The following WFDC11 variants were observed in gnomAD, a reference collection of about 807,000 sequenced individuals.
The protein encoded by WFDC11 is WAP four-disulfide core domain 11, also known as protein WFDC11.
WFDC11 carries 9 observed loss-of-function variants against 9.9 expected under a neutral mutation model. The ratio of observed to expected loss-of-function variants is 0.91; its 90% CI spans 0.55 to 1.58. The LOEUF is 1.58. Ranked by LOEUF, WFDC11 falls within the 40% of genes most tolerant of loss-of-function variation. WFDC11 has a pLI of 0.00. For synonymous variants in WFDC11, 32 were observed against 33.3 expected (o/e 0.96, Z 0.13); for missense variants, 106 against 101.7 (o/e 1.04, Z -0.18).
At chr20:45,665,054 A>G (rs1983158729) in intron 2 of WFDC11, among the ~76,000 whole-genome samples, 1 of 152,198 alleles carries the variant, frequency 6.6e-6, no homozygotes, top group Non-Finnish European at 1.5e-5. Flanking sequence ...AGGTACACCA[A>G]TCAAATGTAG....
chr20:45,653,864 T>A (rs1982863174), intron 2 of WFDC11, among the ~76,000 whole-genome samples: 1 of 152,138 alleles, frequency 6.6e-6, no homozygotes, highest in Non-Finnish European at 1.5e-5. Context: ...AGGGATCAAT[T>A]CAACAAGAAG....
At chr20:45,666,472 G>T (rs1983190819) in intron 2 of WFDC11, among the ~76,000 whole-genome samples, 1 of 152,252 alleles carries the variant, frequency 6.6e-6, no homozygotes, top group African/African-American at 2.4e-5. Context: ...AGGTACCACA[G>T]TTGGAAATGC....
intron 2 of WFDC11, among the ~76,000 whole-genome samples, chr20:45,653,119 A>G (rs1982847683): frequency 6.6e-6 from 1 of 152,154 alleles, no homozygotes; most frequent in African/African-American, 2.4e-5. Flanking sequence ...TCCAAGACAC[A>G]TAATTGTCAG....
chr20:45,654,229 G>A (rs1208820465), intron 2 of WFDC11, among the ~76,000 whole-genome samples: 6 of 152,128 alleles, frequency 3.9e-5, no homozygotes, highest in African/African-American at 1.4e-4. Context: ...ATAACAAACT[G>A]TCTCTCAGAC....
Position 45,648,624 on chromosome 20 carries a change from C to T in WFDC11, c.*95G>A. The T allele has an allele frequency of 7.6e-7, 1 of 1,314,798 alleles. No individual in the cohort carries two copies. Among genetic ancestry groups the T allele is most frequent in the South Asian group, 1.2e-5 (1 of 80,750 alleles). The allele number at this position is 1,314,798 out of a possible 1,614,324, so 81.4% of individuals were successfully genotyped here. A position where few individuals can be genotyped will look rare whatever the true frequency, so the allele number is the denominator to read the frequency against. On this transcript the variant is annotated 3_prime_UTR_variant, in exon 5 of 5. Coordinates refer to ENST00000324384, the MANE Select transcript of WFDC11 (RefSeq NM_147197.2). Reference sequence around the variant, plus strand: ...TTGTCCAGCTCTCAGTAAAAATAGACTGGTGTTCCTAAAAGTAGCCACAGG... The same window carrying T: ...TTGTCCAGCTCTCAGTAAAAATAGATTGGTGTTCCTAAAAGTAGCCACAGG...
intron 2 of WFDC11, among the ~76,000 whole-genome samples, chr20:45,660,201 T>A (rs1422884560): frequency 6.6e-6 from 1 of 152,178 alleles, no homozygotes; most frequent in East Asian, 1.9e-4. Context: ...CCCAGAGGTT[T>A]TGATAGGTTG....
chr20:45,651,714 T>C (rs1982810449), intron 2 of WFDC11, among the ~76,000 whole-genome samples: 1 of 149,658 alleles, frequency 6.7e-6, no homozygotes, highest in Admixed American at 6.6e-5. Flanking sequence ...AGACGGCACC[T>C]GGAAAATCGG....
At chr20:45,649,142 T>A in intron 4 of WFDC11, 115 bp downstream of exon 4, 1 of 1,293,604 alleles carries the variant, frequency 7.7e-7, no homozygotes. Flanking sequence ...TGTCTTCTGT[T>A]ATTTTTGTAC....
At chr20:45,657,694 T>G (rs1568662542) in intron 2 of WFDC11, among the ~76,000 whole-genome samples, 1 of 152,136 alleles carries the variant, frequency 6.6e-6, no homozygotes, top group Non-Finnish European at 1.5e-5. Context: ...TGAGAATTGT[T>G]CCCCCTTCCA....
intron 2 of WFDC11, among the ~76,000 whole-genome samples, chr20:45,653,255 G>A (rs1342879463): frequency 6.6e-6 from 1 of 152,154 alleles, no homozygotes; most frequent in Non-Finnish European, 1.5e-5. Context: ...CAAGCCAGAA[G>A]AGAGTGGGGG....
chr20:45,663,680 A>T (rs1323988550), intron 2 of WFDC11, among the ~76,000 whole-genome samples: 1 of 152,028 alleles, frequency 6.6e-6, no homozygotes, highest in African/African-American at 2.4e-5. Context: ...TCATTTTGTT[A>T]TTTACCTAGT....
chr20:45,662,459 A>G (rs1048965694), intron 2 of WFDC11, among the ~76,000 whole-genome samples: 1 of 152,100 alleles, frequency 6.6e-6, no homozygotes, highest in African/African-American at 2.4e-5. Context: ...CACTATGTTG[A>G]GTAGGAGTGG....
At chr20:45,662,192 A>C (rs1457938092) in intron 2 of WFDC11, among the ~76,000 whole-genome samples, 2 of 152,122 alleles carry the variant, frequency 1.3e-5, no homozygotes, top group Non-Finnish European at 2.9e-5. Context: ...TGTGAATGGG[A>C]GTTCACTCAT....
At chr20:45,656,184 T>C (rs1395671412) in intron 2 of WFDC11, among the ~76,000 whole-genome samples, 6 of 151,994 alleles carry the variant, frequency 3.9e-5, no homozygotes, top group Non-Finnish European at 7.4e-5. Flanking sequence ...CTTCAAATTA[T>C]ACTACAAGCC....
At chr20:45,666,987 T>G (rs1313976738) in intron 2 of WFDC11, 101 bp downstream of exon 2, 1 of 152,242 alleles carries the variant, frequency 6.6e-6, no homozygotes, top group Non-Finnish European at 1.5e-5. Context: ...GTTGGCATGA[T>G]GCAGGGGCAT....
intron 2 of WFDC11, among the ~76,000 whole-genome samples, chr20:45,660,897 A>G (rs1983045549): frequency 6.6e-6 from 1 of 152,186 alleles, no homozygotes; most frequent in South Asian, 2.1e-4. Context: ...GTGTCTTTAT[A>G]GCAGCATGAC....
intron 2 of WFDC11, among the ~76,000 whole-genome samples, chr20:45,661,244 A>G (rs1004337483): frequency 1.2e-4 from 18 of 151,848 alleles, no homozygotes; most frequent in Non-Finnish European, 1.9e-4. Context: ...CATGTCCTTC[A>G]CCCACTTTTT....
At chr20:45,657,865 G>C (rs1982970502) in intron 2 of WFDC11, among the ~76,000 whole-genome samples, 1 of 152,116 alleles carries the variant, frequency 6.6e-6, no homozygotes, top group African/African-American at 2.4e-5. Context: ...TAAAGTGTTA[G>C]CTTACAAAAT....
chr20:45,652,711 T>A (rs1982836519), intron 2 of WFDC11, among the ~76,000 whole-genome samples: 1 of 151,848 alleles, frequency 6.6e-6, no homozygotes, highest in African/African-American at 2.4e-5. Flanking sequence ...CCAACTAGAA[T>A]AACCAATGCA....
Sources: allele counts gnomAD v4.1 joint callset (sites outside exome capture counted in the v4.1 genomes callset), GRCh38; gene constraint gnomAD v4.1.1; transcripts MANE v1.5; gene names NCBI Gene and HGNC (gene_info 2026-07-23, HGNC 2026-07-21).